ARHGEF18: variants seen among roughly 807,000 people sequenced by gnomAD.
The protein encoded by ARHGEF18 is rho guanine nucleotide exchange factor 18.
Under a neutral mutation model 155.7 loss-of-function variants are expected in ARHGEF18, and 93 were observed. The ratio of observed to expected loss-of-function variants is 0.60; its 90% CI spans 0.50 to 0.71. ARHGEF18 has a LOEUF of 0.71. ARHGEF18 is among the 30% of genes least tolerant of loss of function. The pLI is 0.00. For missense variants in ARHGEF18, 1,593 were observed against 1,816.1 expected (o/e 0.88, Z 2.23); for synonymous variants, 742 against 753.1 (o/e 0.99, Z 0.24).
intron 10 of ARHGEF18, among the ~76,000 whole-genome samples, chr19:7,408,848 C>G (rs1379849929): frequency 6.6e-6 from 1 of 152,078 alleles, no homozygotes; most frequent in African/African-American, 2.4e-5. Flanking sequence ...TCAAGACCAG[C>G]TTGGGCAACA....
intron 10 of ARHGEF18, among the ~76,000 whole-genome samples, chr19:7,405,360 T>C (rs1251073774): frequency 6.6e-6 from 1 of 152,220 alleles, no homozygotes; most frequent in Non-Finnish European, 1.5e-5. Flanking sequence ...GTGTGTGTGT[T>C]TCCCCTCTGT....
intron 13 of ARHGEF18, among the ~76,000 whole-genome samples, chr19:7,443,015 G>A (rs148542080): frequency 0.017 from 2,588 of 149,946 alleles, 75 homozygotes; most frequent in African/African-American, 0.054. Flanking sequence ...TCAGCCTCCC[G>A]AGTAGCTGAG....
intron 10 of ARHGEF18, among the ~76,000 whole-genome samples, chr19:7,413,502 C>T (rs902961432): frequency 6.6e-5 from 10 of 151,930 alleles, no homozygotes; most frequent in Non-Finnish European, 8.8e-5. Flanking sequence ...GGGGTTTCAC[C>T]GTGTTGACCA....
chr19:7,469,657 ATTTCC>A, intron 27 of ARHGEF18, among the ~76,000 whole-genome samples: 1 of 152,046 alleles, frequency 6.6e-6, no homozygotes, highest in African/African-American at 2.4e-5. Flanking sequence ...GGCCTGTGCT[ATTTCC>A]ACAGGAGGCT....
At chr19:7,398,708 T>TAAAGAAAGAAAGAAAG (rs765554342) in intron 10 of ARHGEF18, among the ~76,000 whole-genome samples, 2 of 147,654 alleles carry the variant, frequency 1.4e-5, no homozygotes, top group African/African-American at 5.0e-5. Flanking sequence ...AAAAAAAAAA[T>TAAAGAAAGAAAGAAAG]AAAGAAAGAA....
At position 7,424,326 on chromosome 19, in the gene ARHGEF18, G is replaced by A. The variant is rs148438112; in HGVS notation, c.968-16018G>A. Among the ~76,000 whole-genome samples the A allele has an allele frequency of 4.5e-4, 68 of 152,092 alleles. 1 individual carries two copies. The East Asian group carries it at 7.4e-3, about 16-fold the overall frequency. The stretch of plus-strand genomic sequence containing the variant: ...CAAGCATGAGCCACCACCCCAGGCC[G>A]GAGTTTCTTTCTTGAGCTAGATTTT... On this transcript the variant is annotated intron_variant, in intron 10 of 28. Coordinates refer to ENST00000668164, the MANE Select transcript of ARHGEF18 (RefSeq NM_001367823.1).
intron 3 of ARHGEF18, among the ~76,000 whole-genome samples, chr19:7,374,692 A>C (rs1303025936): frequency 9.5e-6 from 1 of 105,064 alleles, no homozygotes; most frequent in Non-Finnish European, 1.6e-5. Flanking sequence ...AAAAAGGAAG[A>C]AAAAAAAATC....
At chr19:7,365,858 C>A (rs562658873) in intron 2 of ARHGEF18, among the ~76,000 whole-genome samples, 8 of 152,272 alleles carry the variant, frequency 5.3e-5, no homozygotes, top group African/African-American at 1.9e-4. Context: ...GTCATGGCTC[C>A]CCCAGGTAAT....
At chr19:7,369,528 G>A (rs1452341964) in intron 2 of ARHGEF18, among the ~76,000 whole-genome samples, 1 of 151,894 alleles carries the variant, frequency 6.6e-6, no homozygotes, top group Non-Finnish European at 1.5e-5. Flanking sequence ...GCTGGGCACG[G>A]TGGCTCATGC....
intron 10 of ARHGEF18, among the ~76,000 whole-genome samples, chr19:7,422,087 C>T (rs1028453539): frequency 6.6e-6 from 1 of 152,106 alleles, no homozygotes; most frequent in Admixed American, 6.6e-5. Context: ...GGCTTTGTCA[C>T]CTCGCACTCA....
chr19:7,425,414 T>C (rs1023078079), intron 10 of ARHGEF18, among the ~76,000 whole-genome samples: 1 of 152,090 alleles, frequency 6.6e-6, no homozygotes, highest in African/African-American at 2.4e-5. Context: ...CCGGGCACAG[T>C]GGTTCACGCC....
chr19:7,362,098 AAGG>A lies in ARHGEF18; in HGVS notation c.-110-680_-110-678del, dbSNP rs1281740782. On this transcript the variant is annotated intron_variant, in intron 1 of 28. Transcript: ENST00000668164. ...GAAGGAGAAGGAGAAGGAGAAGGAGAAGGAGAAGGAGAAGGAGAAGGAGAAGGA... is the reference window on the plus strand; with the variant it reads ...GAAGGAGAAGGAGAAGGAGAAGGAGAAGAAGGAGAAGGAGAAGGAGAAGGA... Among the ~76,000 whole-genome samples, 14 of 21,464 alleles carry A rather than the reference AAGG, an allele frequency of 6.5e-4. No individual in the cohort carries two copies. The East Asian group carries it at 7.1e-3, about 11-fold the overall frequency. The allele number at this position is 21,464 out of a possible 152,430, so 14.1% of individuals were successfully genotyped here.
intron 23 of ARHGEF18, among the ~76,000 whole-genome samples, chr19:7,465,222 T>C (rs1308561467): frequency 6.6e-6 from 1 of 152,066 alleles, no homozygotes; most frequent in Admixed American, 6.6e-5. Flanking sequence ...CAGCCCCTCG[T>C]TTTCCAAACA....
intron 10 of ARHGEF18, among the ~76,000 whole-genome samples, chr19:7,387,271 G>C (rs1384235231): frequency 6.6e-6 from 1 of 152,018 alleles, no homozygotes; most frequent in African/African-American, 2.4e-5. Flanking sequence ...TCCTGCCTCA[G>C]CCTTCCAAGT....
intron 8 of ARHGEF18, among the ~76,000 whole-genome samples, chr19:7,381,529 T>C (rs1442347005): frequency 1.3e-5 from 2 of 151,820 alleles, no homozygotes; most frequent in Non-Finnish European, 2.9e-5. Context: ...AATACAAAAA[T>C]TAGCCGGATG....
rs192380852 is a variant in ARHGEF18 at position 7,397,009 on chromosome 19, T to C, written c.967+13806T>C. Among the ~76,000 whole-genome samples, 509 of 151,524 alleles carry C rather than the reference T, an allele frequency of 3.4e-3. 2 individuals are homozygous for C. The highest frequency in any genetic ancestry group is 0.012 in the African/African-American group (484 of 41,244). ...CCAAATTATAAAGAGTTTGGAAAAT[T>C]TGAGCATCTCGGATGTTGTTTGGAC... is the stretch of plus-strand genomic sequence containing the variant. On this transcript the variant is annotated intron_variant, in intron 10 of 28. Coordinates refer to ENST00000668164, the MANE Select transcript of ARHGEF18 (RefSeq NM_001367823.1).
rs747439388 is a variant in ARHGEF18, at chr19:7,444,230, G to C, written c.1387G>C (p.Val463Leu). The change falls in exon 14 of 29, where the codon GTG becomes CTG. Residue 463 changes from valine to leucine, a missense_variant. Physicochemically the swap from Val to Leu is conservative, Grantham distance 32 (BLOSUM62 1). Transcript: ENST00000668164. This position sits in a 1 kb window ranked among gnomAD's most constrained non-coding sequence, Gnocchi z 4.7. Reference protein sequence around the residue: ...YELMQTEVHHVRTLKIMLKVY... With the variant: ...YELMQTEVHHLRTLKIMLKVY... Reference sequence around the variant, plus strand: ...GCTGATGCAGACAGAGGTGCACCACGTGCGGACGCTCAAGATCATGCTGAA... The same window carrying C: ...GCTGATGCAGACAGAGGTGCACCACCTGCGGACGCTCAAGATCATGCTGAA... 19 of 1,613,500 alleles carry C rather than the reference G, an allele frequency of 1.2e-5. No individual in the cohort carries two copies. Among genetic ancestry groups the C allele is most frequent in the Non-Finnish European group, 1.6e-5 (19 of 1,180,014 alleles).
At chr19:7,451,106 G>T in intron 15 of ARHGEF18, 43 bp from the exon 16 acceptor site, 1 of 1,426,240 alleles carries the variant, frequency 7.0e-7, no homozygotes, top group Non-Finnish European at 9.3e-7. Context: ...CTTGCTGTCC[G>T]TTTCTGAGAT....
At chr19:7,373,121 G>C (rs925257580) in intron 3 of ARHGEF18, 50 bp downstream of exon 3, 1 of 1,233,800 alleles carries the variant, frequency 8.1e-7, no homozygotes, top group African/African-American at 1.6e-5. Flanking sequence ...CTGGGACAGG[G>C]AAGAGGTCCA....
Sources: allele counts gnomAD v4.1 joint callset (sites outside exome capture counted in the v4.1 genomes callset), GRCh38; gene constraint gnomAD v4.1.1; non-coding constraint Gnocchi (gnomAD v3.1); transcripts MANE v1.5; gene names NCBI Gene and HGNC (gene_info 2026-07-23, HGNC 2026-07-21).